L3MBTL3: variants seen among roughly 807,000 people sequenced by gnomAD.
L3MBTL3 encodes the protein lethal(3)malignant brain tumor-like protein 3.
In L3MBTL3, 27 loss-of-function variants were observed where a neutral mutation model predicts 102.3. That is an observed-to-expected ratio of 0.26 (90% CI 0.19 to 0.36). The LOEUF is 0.36. Ranked by LOEUF, L3MBTL3 falls within the 10% of genes least tolerant of loss-of-function variation. L3MBTL3 has a pLI of 1.00. For synonymous variants in L3MBTL3, 340 were observed against 320.9 expected (o/e 1.06, Z -0.64); for missense variants, 798 against 955.3 (o/e 0.84, Z 2.17).
chr6:130,120,210 G>T (rs1019767874), intron 19 of L3MBTL3, among the ~76,000 whole-genome samples: 14 of 152,286 alleles, frequency 9.2e-5, no homozygotes, highest in African/African-American at 3.4e-4. Flanking sequence ...TCCCTGAAAC[G>T]TAAGAAAAGT....
chr6:130,083,115 G>T (rs1045149847), intron 14 of L3MBTL3, among the ~76,000 whole-genome samples: 2 of 152,140 alleles, frequency 1.3e-5, no homozygotes, highest in African/African-American at 4.8e-5. Flanking sequence ...CATCATTTGT[G>T]TGTGTTTGTT....
chr6:130,042,643 C>A, intron 2 of L3MBTL3, 42 bp from the exon 3 acceptor site: 2 of 1,155,042 alleles, frequency 1.7e-6, no homozygotes, highest in Non-Finnish European at 2.6e-6. Flanking sequence ...AACAGATTTC[C>A]ATGTGGAATA....
At chr6:130,120,492 G>A (rs1786077886) in intron 19 of L3MBTL3, among the ~76,000 whole-genome samples, 1 of 152,192 alleles carries the variant, frequency 6.6e-6, no homozygotes, top group African/African-American at 2.4e-5. Flanking sequence ...GTCGTATATA[G>A]TGATTTAGTT....
At chr6:130,118,014 A>G (rs1458769931) in intron 19 of L3MBTL3, among the ~76,000 whole-genome samples, 2 of 151,806 alleles carry the variant, frequency 1.3e-5, no homozygotes, top group Non-Finnish European at 2.9e-5. Context: ...CCTGGCCTCA[A>G]TTTTTATTTT....
chr6:130,031,686 G>T (rs997130581), intron 2 of L3MBTL3, among the ~76,000 whole-genome samples: 4 of 152,114 alleles, frequency 2.6e-5, no homozygotes, highest in African/African-American at 9.7e-5. Flanking sequence ...CAAGGACAGG[G>T]TATCCTCTGG....
intron 2 of L3MBTL3, among the ~76,000 whole-genome samples, chr6:130,042,028 A>G (rs1780452312): frequency 6.6e-6 from 1 of 152,204 alleles, no homozygotes; most frequent in Non-Finnish European, 1.5e-5. Context: ...TCAATCTTTC[A>G]TCAGTTGTCT....
intron 20 of L3MBTL3, among the ~76,000 whole-genome samples, chr6:130,124,813 A>G (rs994227682): frequency 6.6e-6 from 1 of 152,068 alleles, no homozygotes; most frequent in African/African-American, 2.4e-5. Flanking sequence ...TTTACTAAAA[A>G]TACGAAATCA....
intron 17 of L3MBTL3, among the ~76,000 whole-genome samples, chr6:130,093,210 G>A (rs540852206): frequency 6.6e-6 from 1 of 152,102 alleles, no homozygotes; most frequent in South Asian, 2.1e-4. Context: ...TTTGCAAAAC[G>A]TTAACATTGG....
chr6:130,114,317 G>T (rs1785530036), intron 19 of L3MBTL3, among the ~76,000 whole-genome samples: 2 of 152,166 alleles, frequency 1.3e-5, no homozygotes, highest in Admixed American at 1.3e-4. Context: ...GAACAATATT[G>T]TAACAGGATC....
At chr6:130,106,582 G>A (rs1254216639) in intron 19 of L3MBTL3, among the ~76,000 whole-genome samples, 4 of 152,146 alleles carry the variant, frequency 2.6e-5, no homozygotes, top group African/African-American at 9.7e-5. Context: ...AATGTCCGAA[G>A]CAGCCTGTGA....
intron 9 of L3MBTL3, 138 bp downstream of exon 9, chr6:130,057,635 G>A (rs1781593869): frequency 1.4e-6 from 1 of 711,546 alleles, no homozygotes; most frequent in South Asian, 1.9e-5. Flanking sequence ...TGTTTATATG[G>A]AGGGCAGTGA....
At chr6:130,088,849 C>G (rs2115182824) in intron 16 of L3MBTL3, among the ~76,000 whole-genome samples, 2 of 152,204 alleles carry the variant, frequency 1.3e-5, no homozygotes, top group Middle Eastern at 3.4e-3. Context: ...TCTTGCCCTT[C>G]TTCCCTTCCC....
chr6:130,031,327 T>A (rs1490249294), intron 2 of L3MBTL3, among the ~76,000 whole-genome samples: 2 of 152,192 alleles, frequency 1.3e-5, no homozygotes. Context: ...AACACTACCT[T>A]ACTTTCATGT....
intron 2 of L3MBTL3, among the ~76,000 whole-genome samples, chr6:130,026,575 TTTC>T (rs1184075491): frequency 2.6e-5 from 4 of 151,304 alleles, no homozygotes; most frequent in Admixed American, 6.6e-5. Flanking sequence ...CTGGCTTTAC[TTTC>T]TTCTTTTTTT....
intron 2 of L3MBTL3, among the ~76,000 whole-genome samples, chr6:130,033,878 G>T (rs1321312595): frequency 6.6e-6 from 1 of 152,200 alleles, no homozygotes; most frequent in Non-Finnish European, 1.5e-5. Flanking sequence ...GACAATATTT[G>T]GAGAACAGTG....
chr6:130,038,139 TG>T (rs1217758867), intron 2 of L3MBTL3, among the ~76,000 whole-genome samples: 1 of 152,144 alleles, frequency 6.6e-6, no homozygotes, highest in Non-Finnish European at 1.5e-5. Flanking sequence ...TTCCTGTGTG[TG>T]TATAAACCAC....
chr6:130,116,060 A>C (rs908327136), intron 19 of L3MBTL3, among the ~76,000 whole-genome samples: 1 of 152,212 alleles, frequency 6.6e-6, no homozygotes, highest in African/African-American at 2.4e-5. Context: ...GTTATAACCC[A>C]GACAGTCTGA....
At chr6:130,063,748 A>G (rs562841700) in intron 10 of L3MBTL3, among the ~76,000 whole-genome samples, 1 of 152,316 alleles carries the variant, frequency 6.6e-6, no homozygotes, top group African/African-American at 2.4e-5. Context: ...TTTGGCACTT[A>G]GGGACACTAA....
In L3MBTL3 at chr6:130,078,641, GT is replaced by G. The variant is rs746190362; in HGVS notation, c.1321+14del. 5 of 1,576,566 alleles carry G rather than the reference GT, an allele frequency of 3.2e-6. No individual in the cohort carries two copies. The highest frequency in any genetic ancestry group is 1.4e-5 in the African/African-American group (1 of 73,874). ...ACCCTTATTACTCCACCAGGTGTGT[GT>G]TTTTTTAATGTGGCTAATACTATTC... On this transcript the variant is annotated splice_region_variant and intron_variant, in intron 14 of 22. Transcript: ENST00000361794.
Sources: allele counts gnomAD v4.1 joint callset (sites outside exome capture counted in the v4.1 genomes callset), GRCh38; gene constraint gnomAD v4.1.1; transcripts MANE v1.5; gene names NCBI Gene and HGNC (gene_info 2026-07-23, HGNC 2026-07-21).